LMAN1: variants seen among roughly 807,000 people sequenced by gnomAD.
The protein encoded by LMAN1 is lectin, mannose binding 1.
LMAN1 carries 32 observed loss-of-function variants against 67.8 expected under a neutral mutation model. The observed-to-expected ratio is 0.47, with a 90% CI of 0.36 to 0.63. The LOEUF is 0.63. LMAN1 is among the 30% of genes least tolerant of loss of function. The pLI, the probability that LMAN1 is intolerant of heterozygous loss-of-function variation, is 0.00. For missense variants in LMAN1, 632 were observed against 628.2 expected, an observed-to-expected ratio of 1.01 and a Z score of -0.06; for synonymous variants, 235 against 219.3, an observed-to-expected ratio of 1.07 and a Z score of -0.63.
intron 8 of LMAN1, among the ~76,000 whole-genome samples, chr18:59,342,949 T>C (rs1481374465): frequency 4.6e-5 from 7 of 151,772 alleles, no homozygotes; most frequent in Non-Finnish European, 1.0e-4. Flanking sequence ...ATGAATTCAG[T>C]AATGTTTCAA....
intron 1 of LMAN1, among the ~76,000 whole-genome samples, chr18:59,358,039 A>G (rs1908701822): frequency 6.6e-6 from 1 of 152,136 alleles, no homozygotes; most frequent in Non-Finnish European, 1.5e-5. Context: ...CATCTCATAT[A>G]AAGGCATTTG....
chr18:59,358,380 C>T (rs12954637), intron 1 of LMAN1, among the ~76,000 whole-genome samples: 12,914 of 152,130 alleles, frequency 0.085, 627 homozygotes, highest in Middle Eastern at 0.14. Flanking sequence ...TGTGTTACTA[C>T]GAGAGAAAAG....
chr18:59,353,243 G>C lies in LMAN1; in HGVS notation c.598C>G (p.Pro200Ala), dbSNP rs764757105. The C allele has an allele frequency of 6.2e-7, 1 of 1,614,110 alleles. No homozygotes were observed. The change falls in exon 5 of 13, where the codon CCT becomes GCT. Residue 200 changes from proline to alanine, a missense_variant. Physicochemically the swap from Pro to Ala is conservative, Grantham distance 27. Transcript: ENST00000251047. ...TAATAGGTAATCTTTGCTCGGACAG[G>C]ATAGGGTTTGTTGCGGAAGTCCCTC... ...CQRDFRNKPY[P>A]VRAKITYYQN...
At chr18:59,358,961 G>C in intron 1 of LMAN1, 70 bp downstream of exon 1, 2 of 1,480,868 alleles carry the variant, frequency 1.4e-6, no homozygotes, top group South Asian at 2.3e-5. Flanking sequence ...CAGGGTAGCC[G>C]CGGATGAAAG....
At chr18:59,342,228 T>C (rs1392097979) in intron 8 of LMAN1, among the ~76,000 whole-genome samples, 3 of 152,030 alleles carry the variant, frequency 2.0e-5, no homozygotes, top group African/African-American at 7.2e-5. Flanking sequence ...GATGGACTTA[T>C]AGCTGAATTC....
At chr18:59,346,138 C>G (rs1219841373) in intron 7 of LMAN1, 87 bp from the exon 8 acceptor site, 2 of 1,102,792 alleles carry the variant, frequency 1.8e-6, no homozygotes, top group South Asian at 1.4e-5. Flanking sequence ...CTCATTTTAA[C>G]TCTTCTACCA....
Position 59,327,945 on chromosome 18 carries a change from A to T in LMAN1, c.*3148T>A, listed in dbSNP as rs2070722790. On this transcript the variant is annotated 3_prime_UTR_variant, in exon 13 of 13. Transcript: ENST00000251047. ...TATCCAATTGAAATTGACAGTGGAT[A>T]GAAAACCCTTTTAAACTTTAAGTAA... 6.6e-6 allele frequency: 1 copy of T among 152,254 alleles called. No homozygotes were observed. Among genetic ancestry groups the T allele is most frequent in the Admixed American group, 6.5e-5 (1 of 15,282 alleles). 9.4% of individuals were successfully genotyped at this position (152,254 alleles called of 1,614,324 possible).
chr18:59,343,185 G>T (rs769035716), intron 8 of LMAN1, among the ~76,000 whole-genome samples: 2 of 151,818 alleles, frequency 1.3e-5, no homozygotes, highest in Non-Finnish European at 2.9e-5. Context: ...CCATGCTCAT[G>T]AATTGGAAGA....
intron 1 of LMAN1, among the ~76,000 whole-genome samples, chr18:59,357,920 TAACC>T (rs952232710): frequency 1.4e-5 from 2 of 140,358 alleles, no homozygotes; most frequent in Non-Finnish European, 3.0e-5. Context: ...GTATACATAC[TAACC>T]AACCTGCACG....
intron 11 of LMAN1, among the ~76,000 whole-genome samples, chr18:59,331,977 C>T (rs2070750375): frequency 6.6e-6 from 1 of 152,170 alleles, no homozygotes; most frequent in Non-Finnish European, 1.5e-5. Flanking sequence ...GACAAACAGA[C>T]TGGCTTTTTC....
intron 10 of LMAN1, among the ~76,000 whole-genome samples, chr18:59,335,372 G>A (rs1409842221): frequency 2.0e-5 from 3 of 151,690 alleles, no homozygotes; most frequent in Admixed American, 2.0e-4. Context: ...GGCAGAGGTT[G>A]CGGTGAGCCA....
In LMAN1 at chr18:59,330,522, A is replaced by G. The variant is rs541441878; in HGVS notation, c.*571T>C. 22 of 152,316 alleles carry G rather than the reference A, an allele frequency of 1.4e-4. No homozygotes were observed. The highest frequency in any genetic ancestry group is 8.3e-4 in the South Asian group (4 of 4,802). 9.4% of individuals were successfully genotyped at this position (152,316 alleles called of 1,614,324 possible). ...GAAATATATCATTGATAAATAGAGG[A>G]AAAAAAAATTTCACTTAACATTTTG... On this transcript the variant is annotated 3_prime_UTR_variant, in exon 13 of 13. Coordinates refer to ENST00000251047, the MANE Select transcript of LMAN1 (RefSeq NM_005570.4).
At chr18:59,343,314 T>C (rs1358607936) in intron 8 of LMAN1, among the ~76,000 whole-genome samples, 3 of 151,534 alleles carry the variant, frequency 2.0e-5, no homozygotes, top group Admixed American at 6.6e-5. Context: ...AAAACTCATA[T>C]GGAAAAAAAA....
intron 8 of LMAN1, among the ~76,000 whole-genome samples, chr18:59,344,432 T>C (rs1334907673): frequency 6.6e-6 from 1 of 151,750 alleles, no homozygotes; most frequent in African/African-American, 2.4e-5. Flanking sequence ...AAATGTGGCG[T>C]GTGTGTGTGT....
chr18:59,342,183 T>TA (rs1387422250), intron 8 of LMAN1, among the ~76,000 whole-genome samples: 1,518 of 147,168 alleles, frequency 0.01, 30 homozygotes, highest in African/African-American at 0.035. Flanking sequence ...GAATCAGTAG[T>TA]AAAAAAAAAA....
Position 59,347,496 on chromosome 18 carries a change from A to G in LMAN1, c.822+17T>C. On this transcript the variant is annotated intron_variant, in intron 7 of 12. Transcript: ENST00000251047. ...AAACTAAACTGATAAAGTTTTTGAA[A>G]ATATGTGTAAAATTACCGGCTCTTT... The G allele has an allele frequency of 6.3e-7, 1 of 1,596,334 alleles. No individual in the cohort carries two copies. Among genetic ancestry groups the G allele is most frequent in the South Asian group, 1.1e-5 (1 of 89,438 alleles).
At chr18:59,340,070 G>C (rs1007395587) in intron 8 of LMAN1, among the ~76,000 whole-genome samples, 2 of 152,126 alleles carry the variant, frequency 1.3e-5, no homozygotes, top group African/African-American at 4.8e-5. Context: ...ACAGCTTCTT[G>C]CTCATGACAC....
At chr18:59,354,394 A>G (rs1908612570) in intron 4 of LMAN1, 125 bp downstream of exon 4, 5 of 666,570 alleles carry the variant, frequency 7.5e-6, no homozygotes, top group Admixed American at 2.6e-5. Context: ...AAGTTACAAA[A>G]TATGTCTCAA....
At chr18:59,336,149 A>G (rs528105330) in intron 10 of LMAN1, among the ~76,000 whole-genome samples, 7 of 152,242 alleles carry the variant, frequency 4.6e-5, no homozygotes, top group Non-Finnish European at 1.0e-4. Context: ...GTTGGTATAC[A>G]TATGTATATT....
Sources: gnomAD v4.1 joint callset for allele counts (sites outside exome capture counted in the v4.1 genomes callset) on GRCh38, gnomAD v4.1.1 for gene constraint, MANE v1.5 for transcripts, NCBI Gene and HGNC (gene_info 2026-07-23, HGNC 2026-07-21) for gene names.